SMIM41: variants seen among roughly 807,000 people sequenced by gnomAD.
SMIM41 encodes small integral membrane protein 41.
chr12:52,088,445 G>A (rs986071117), intron 2 of SMIM41, among the ~76,000 whole-genome samples: 4 of 152,140 alleles, frequency 2.6e-5, no homozygotes, highest in Non-Finnish European at 4.4e-5. Context: ...AGGCTAGTGC[G>A]GATGGGGAAG....
intron 2 of SMIM41, among the ~76,000 whole-genome samples, chr12:52,088,852 C>A (rs907049097): frequency 6.6e-6 from 1 of 152,142 alleles, no homozygotes; most frequent in African/African-American, 2.4e-5. Flanking sequence ...CCTCTTGATT[C>A]CCTGCTCCTG....
chr12:52,093,208 C>T (rs542674668), intron 2 of SMIM41, among the ~76,000 whole-genome samples: 1 of 151,684 alleles, frequency 6.6e-6, no homozygotes, highest in South Asian at 2.1e-4. Flanking sequence ...ACAACAACAA[C>T]AACAAACAAA....
intron 2 of SMIM41, among the ~76,000 whole-genome samples, chr12:52,098,614 G>C (rs762143073): frequency 6.6e-6 from 1 of 151,204 alleles, no homozygotes; most frequent in African/African-American, 2.4e-5. Context: ...TGTGACATTT[G>C]CTGTCATCTA....
In SMIM41 at chr12:52,079,961, G is replaced by T; in HGVS notation, c.182G>T (p.Arg61Leu). The change falls in exon 1 of 3, where the codon CGC becomes CTC. Residue 61 changes from arginine (R) to leucine (L), a missense_variant. By Grantham distance (102) the Arg-to-Leu change is moderately radical (BLOSUM62 -2). Coordinates refer to ENST00000546390, the MANE Select transcript of SMIM41 (RefSeq NM_001369216.1). ...VLFLGGGLLL[R>L]AQGLTALLTR... ...TTCCTGGGCGGCGGCCTCCTCCTCCGCGCCCAGGGCCTGACAGCGCTGCTG... is the reference window on the plus strand; with the variant it reads ...TTCCTGGGCGGCGGCCTCCTCCTCCTCGCCCAGGGCCTGACAGCGCTGCTG... 2.6e-6 allele frequency: 1 copy of T among 383,966 alleles called. No individual in the cohort carries two copies. Among genetic ancestry groups the T allele is most frequent in the Non-Finnish European group, 4.6e-6 (1 of 216,600 alleles). 23.8% of individuals were successfully genotyped at this position (383,966 alleles called of 1,614,324 possible). A position where few individuals can be genotyped will look rare whatever the true frequency, so the allele number is the denominator to read the frequency against.
chr12:52,095,276 C>A (rs983704161), intron 2 of SMIM41, among the ~76,000 whole-genome samples: 3 of 151,570 alleles, frequency 2.0e-5, no homozygotes, highest in Non-Finnish European at 4.4e-5. Context: ...AGTAACATCT[C>A]CCCCCTCTCC....
rs1372753750 is a variant in SMIM41, at chr12:52,081,472, C to T, written c.*120+1291C>T. ...ACTAATCCTGGGCAGCGGCACCACA[C>T]TGGCCTTGCTGAGCCAGGGACTTCT... On this transcript the variant is annotated intron_variant, in intron 1 of 2. Transcript: ENST00000546390. This position sits in a 1 kb window ranked among gnomAD's most constrained non-coding sequence, Gnocchi z 4.1. Among the ~76,000 whole-genome samples, 1 of 152,138 alleles carries T rather than the reference C, an allele frequency of 6.6e-6. No homozygotes were observed. The highest frequency in any genetic ancestry group is 1.5e-5 in the Non-Finnish European group (1 of 67,992).
At chr12:52,093,242 C>T (rs1032123139) in intron 2 of SMIM41, among the ~76,000 whole-genome samples, 1 of 152,166 alleles carries the variant, frequency 6.6e-6, no homozygotes, top group Non-Finnish European at 1.5e-5. Context: ...TTTGGAACTA[C>T]AACTTACATA....
chr12:52,086,624 G>A (rs896170914), intron 2 of SMIM41, among the ~76,000 whole-genome samples: 3 of 152,146 alleles, frequency 2.0e-5, no homozygotes, highest in Admixed American at 6.5e-5. Context: ...CCACGCCCAC[G>A]GCTCCTCTGG....
intron 2 of SMIM41, among the ~76,000 whole-genome samples, chr12:52,091,207 C>T (rs1195175966): frequency 2.6e-5 from 4 of 152,106 alleles, no homozygotes; most frequent in South Asian, 2.1e-4. Flanking sequence ...AGTTCCCTGG[C>T]GTTTTTGCTC....
At chr12:52,103,221 G>A (rs945498226) in intron 2 of SMIM41, among the ~76,000 whole-genome samples, 2 of 152,050 alleles carry the variant, frequency 1.3e-5, no homozygotes, top group Non-Finnish European at 2.9e-5. Context: ...CAGCTACTCG[G>A]GAGGCTGAGG....
intron 2 of SMIM41, among the ~76,000 whole-genome samples, chr12:52,091,744 C>G (rs1048748126): frequency 1.3e-5 from 2 of 152,196 alleles, no homozygotes; most frequent in African/African-American, 4.8e-5. Context: ...TTAACTTTCT[C>G]AAACAAAAAT....
intron 2 of SMIM41, among the ~76,000 whole-genome samples, chr12:52,104,699 A>G (rs1347243136): frequency 6.6e-6 from 1 of 151,908 alleles, no homozygotes; most frequent in Non-Finnish European, 1.5e-5. Flanking sequence ...CAGAAATCTT[A>G]TTCAAAATTT....
chr12:52,088,941 G>A (rs1051484469), intron 2 of SMIM41, among the ~76,000 whole-genome samples: 1 of 151,896 alleles, frequency 6.6e-6, no homozygotes, highest in Admixed American at 6.6e-5. Context: ...CCACCCCTCT[G>A]CCAGGCACCG....
At chr12:52,082,268 G>A (rs1368443618) in intron 1 of SMIM41, among the ~76,000 whole-genome samples, 1 of 152,250 alleles carries the variant, frequency 6.6e-6, no homozygotes, top group Non-Finnish European at 1.5e-5. Context: ...TGTGGTGTGA[G>A]GGTGTAGAGT....
Position 52,081,567 on chromosome 12 carries a change from G to A in SMIM41, c.*120+1386G>A, listed in dbSNP as rs953557083. Among the ~76,000 whole-genome samples, 5 of 152,118 alleles carry A rather than the reference G, an allele frequency of 3.3e-5. No homozygotes were observed. The highest frequency in any genetic ancestry group is 1.3e-4 in the Admixed American group (2 of 15,290). On this transcript the variant is annotated intron_variant, in intron 1 of 2. Transcript: ENST00000546390. The surrounding 1 kb of genome is among the most constrained non-coding windows in gnomAD (Gnocchi z 4.1). The stretch of plus-strand genomic sequence containing the variant: ...GGAGGGTTGTCCAGGGCCCTGAGGC[G>A]TGTGTGTAGTGTGTCTGTTACTGCA...
chr12:52,104,673 C>CG (rs111290671), intron 2 of SMIM41, among the ~76,000 whole-genome samples: 2,466 of 146,610 alleles, frequency 0.017, 47 homozygotes, highest in African/African-American at 0.051. Flanking sequence ...TGGTTATGGT[C>CG]GGGGGGGGGC....
intron 1 of SMIM41, 103 bp from the exon 2 acceptor site, chr12:52,083,791 G>T (rs962981167): frequency 1.3e-5 from 2 of 152,198 alleles, no homozygotes; most frequent in Non-Finnish European, 2.9e-5. Context: ...TCATAGGTTT[G>T]TCATTGATCA....
At chr12:52,101,472 G>A (rs1940215710) in intron 2 of SMIM41, among the ~76,000 whole-genome samples, 1 of 152,148 alleles carries the variant, frequency 6.6e-6, no homozygotes, top group Admixed American at 6.5e-5. Context: ...GTATAAAGGG[G>A]GTTAGCAGAC....
intron 2 of SMIM41, among the ~76,000 whole-genome samples, chr12:52,097,956 G>A (rs757644062): frequency 1.5e-4 from 8 of 51,790 alleles, no homozygotes; most frequent in African/African-American, 2.2e-4. Context: ...CCCCGCCCCC[G>A]CCCCCGGATA....
Sources: allele counts gnomAD v4.1 joint callset (sites outside exome capture counted in the v4.1 genomes callset), GRCh38; gene constraint gnomAD v4.1.1; non-coding constraint Gnocchi (gnomAD v3.1); transcripts MANE v1.5; gene names NCBI Gene and HGNC (gene_info 2026-07-23, HGNC 2026-07-21).